Variants in R3HDM1 observed in about 807,000 individuals in gnomAD.
The protein encoded by R3HDM1 is R3H domain-containing protein 1.
Under a neutral mutation model 141.1 loss-of-function variants are expected in R3HDM1, and 46 were observed. The observed-to-expected ratio is 0.33, with a 90% CI of 0.26 to 0.42. The LOEUF (loss-of-function observed/expected upper bound fraction) is 0.42. R3HDM1 is among the 10% of genes least tolerant of loss of function. R3HDM1 has a pLI of 1.00. For missense variants in R3HDM1, 1,184 were observed against 1,368.3 expected (o/e 0.87, Z 2.12); for synonymous variants, 435 against 472.9 (o/e 0.92, Z 1.04).
chr2:135,617,537 T>C (rs1310285774), intron 5 of R3HDM1, among the ~76,000 whole-genome samples: 1 of 152,084 alleles, frequency 6.6e-6, no homozygotes, highest in Non-Finnish European at 1.5e-5. Context: ...TCTTTAATAG[T>C]TATCTAGTAT....
intron 1 of R3HDM1, chr2:135,581,479 C>T: frequency 2.4e-6 from 2 of 841,402 alleles, no homozygotes; most frequent in South Asian, 1.1e-4. Flanking sequence ...TTGACCTCAC[C>T]TGACTGACTA....
chr2:135,684,192 G>A (rs944622492), intron 21 of R3HDM1, among the ~76,000 whole-genome samples: 4 of 152,152 alleles, frequency 2.6e-5, no homozygotes, highest in African/African-American at 9.6e-5. Flanking sequence ...CCAGGTTCAC[G>A]CCATTCTCCT....
intron 1 of R3HDM1, among the ~76,000 whole-genome samples, chr2:135,593,482 A>C (rs887221488): frequency 2.6e-5 from 4 of 151,886 alleles, no homozygotes; most frequent in Non-Finnish European, 5.9e-5. Flanking sequence ...CAATATCTAA[A>C]CCCCTTTAGA....
rs1694665475 is a variant in R3HDM1 at position 135,531,499 on chromosome 2, G to A, written c.-384G>A. The A allele has an allele frequency of 2.0e-6, 2 of 985,808 alleles. No individual in the cohort carries two copies. The highest frequency in any genetic ancestry group is 1.1e-4 in the East Asian group (1 of 8,818). 61.1% of individuals were successfully genotyped at this position (985,808 alleles called of 1,614,324 possible). The stretch of plus-strand genomic sequence containing the variant: ...AAGGGGCGGGATTCTGCCAGCCGCG[G>A]CTGCCGCTGGAGCCGGTGTCCGGGC... On this transcript the variant is annotated 5_prime_UTR_variant, in exon 1 of 27. Coordinates refer to ENST00000683871, the MANE Select transcript of R3HDM1 (RefSeq NM_001378107.1).
intron 24 of R3HDM1, among the ~76,000 whole-genome samples, chr2:135,721,311 C>G (rs980608378): frequency 6.6e-6 from 1 of 152,082 alleles, no homozygotes; most frequent in African/African-American, 2.4e-5. Flanking sequence ...GACTCTATCT[C>G]TACTAAAATA....
chr2:135,569,948 G>A (rs1258720576), intron 1 of R3HDM1, among the ~76,000 whole-genome samples: 2 of 151,990 alleles, frequency 1.3e-5, no homozygotes, highest in African/African-American at 4.8e-5. Flanking sequence ...GGATGGTCTC[G>A]ATCTCTTGAC....
At chr2:135,684,961 A>G (rs542664080) in intron 21 of R3HDM1, among the ~76,000 whole-genome samples, 1 of 152,040 alleles carries the variant, frequency 6.6e-6, no homozygotes, top group East Asian at 1.9e-4. Context: ...ATGGGGTCTC[A>G]CTATGTTGCC....
At chr2:135,692,876 G>T (rs1178241668) in intron 21 of R3HDM1, among the ~76,000 whole-genome samples, 1 of 152,120 alleles carries the variant, frequency 6.6e-6, no homozygotes, top group Non-Finnish European at 1.5e-5. Context: ...GTTAAGTGAG[G>T]ATTAAGGAAA....
chr2:135,612,311 G>T (rs2060621919), intron 3 of R3HDM1, among the ~76,000 whole-genome samples: 1 of 152,094 alleles, frequency 6.6e-6, no homozygotes, highest in Non-Finnish European at 1.5e-5. Context: ...CCTCTTCAAG[G>T]TGTTTTGAGT....
At chr2:135,573,828 A>G (rs1407611272) in intron 1 of R3HDM1, among the ~76,000 whole-genome samples, 1 of 152,202 alleles carries the variant, frequency 6.6e-6, no homozygotes, top group East Asian at 1.9e-4. Flanking sequence ...CTATACTAAC[A>G]GAAGAGGGCA....
chr2:135,723,872 A>G, intron 26 of R3HDM1, 65 bp from the exon 27 acceptor site: 2 of 1,227,508 alleles, frequency 1.6e-6, no homozygotes, highest in East Asian at 5.0e-5. Context: ...TTGGGTCTGC[A>G]GTGCTTTTTT....
intron 15 of R3HDM1, 168 bp from the exon 16 acceptor site, chr2:135,645,211 G>A (rs564713402): frequency 1.9e-6 from 1 of 536,562 alleles, no homozygotes; most frequent in Non-Finnish European, 3.1e-6. Flanking sequence ...ATAGCCTCAT[G>A]TCAGAGCAGG....
intron 21 of R3HDM1, among the ~76,000 whole-genome samples, chr2:135,696,947 G>A (rs1046129104): frequency 1.3e-5 from 2 of 152,178 alleles, no homozygotes; most frequent in African/African-American, 2.4e-5. Flanking sequence ...TGAACTAACT[G>A]TAAAACCTGT....
intron 21 of R3HDM1, among the ~76,000 whole-genome samples, chr2:135,691,484 C>T (rs1364038804): frequency 6.6e-6 from 1 of 151,726 alleles, no homozygotes; most frequent in African/African-American, 2.4e-5. Context: ...CGTGGTAGCT[C>T]ATACCTGTGG....
intron 1 of R3HDM1, among the ~76,000 whole-genome samples, chr2:135,538,794 G>T (rs1418729427): frequency 1.3e-5 from 2 of 151,802 alleles, no homozygotes; most frequent in Non-Finnish European, 2.9e-5. Context: ...TTGTATTTTT[G>T]GTAGAGACGG....
intron 1 of R3HDM1, among the ~76,000 whole-genome samples, chr2:135,546,162 AT>A (rs1698658288): frequency 1.3e-5 from 2 of 152,184 alleles, no homozygotes; most frequent in African/African-American, 4.8e-5. Context: ...TTGTCTCCAC[AT>A]TGTATTTCTT....
intron 1 of R3HDM1, among the ~76,000 whole-genome samples, chr2:135,538,007 TTTAACA>T (rs1696608867): frequency 6.6e-6 from 1 of 152,164 alleles, no homozygotes. Context: ...TCACACCTTG[TTTAACA>T]TTAGGGATAA....
chr2:135,571,313 T>A (rs531264899), intron 1 of R3HDM1, among the ~76,000 whole-genome samples: 63 of 152,140 alleles, frequency 4.1e-4, no homozygotes, highest in African/African-American at 9.4e-4. Context: ...TTTTATTATT[T>A]TTTTTTAATT....
intron 18 of R3HDM1, among the ~76,000 whole-genome samples, chr2:135,654,306 CACAA>C (rs763066594): frequency 6.6e-6 from 1 of 152,092 alleles, no homozygotes; most frequent in Non-Finnish European, 1.5e-5. Context: ...CACACACACA[CACAA>C]ACACACACAC....
Sources: gnomAD v4.1 joint callset for allele counts (sites outside exome capture counted in the v4.1 genomes callset) on GRCh38, gnomAD v4.1.1 for gene constraint, MANE v1.5 for transcripts, NCBI Gene and HGNC (gene_info 2026-07-23, HGNC 2026-07-21) for gene names.